Variants in CPQ observed in about 807,000 individuals in gnomAD.
CPQ encodes the protein carboxypeptidase Q.
CPQ carries 37 observed loss-of-function variants against 45.7 expected under a neutral mutation model. The observed-to-expected ratio is 0.81, with a 90% confidence interval of 0.62 to 1.07. The LOEUF (loss-of-function observed/expected upper bound fraction) is 1.07, where lower values mean the gene tolerates loss of function less well. Ranked by LOEUF, CPQ falls within the 50% of genes least tolerant of loss-of-function variation. The pLI is 0.00. For synonymous variants in CPQ, 186 were observed against 205.8 expected, an observed-to-expected ratio of 0.90 and a Z score of 0.82; for missense variants, 537 against 572.9, an observed-to-expected ratio of 0.94 and a Z score of 0.64.
At chr8:96,719,085 G>A (rs1809726864) in intron 1 of CPQ, among the ~76,000 whole-genome samples, 1 of 152,348 alleles carries the variant, frequency 6.6e-6, no homozygotes, top group East Asian at 1.9e-4. Flanking sequence ...CTGTGCGCTC[G>A]CACTCCTCAG....
intron 3 of CPQ, among the ~76,000 whole-genome samples, chr8:96,840,524 G>A (rs984267357): frequency 6.6e-6 from 1 of 152,144 alleles, no homozygotes; most frequent in Non-Finnish European, 1.5e-5. Flanking sequence ...AAAGCTAAGG[G>A]TGGGGTCCAG....
At chr8:96,721,915 C>T (rs961737267) in intron 1 of CPQ, among the ~76,000 whole-genome samples, 3 of 152,190 alleles carry the variant, frequency 2.0e-5, no homozygotes, top group African/African-American at 7.2e-5. Flanking sequence ...CTCTGTCTCC[C>T]CACTTTACTT....
chr8:96,698,339 A>G (rs1009490877), intron 1 of CPQ, among the ~76,000 whole-genome samples: 6 of 152,192 alleles, frequency 3.9e-5, no homozygotes, highest in African/African-American at 1.4e-4. Context: ...TGATATACAA[A>G]AATCAAATCA....
At position 96,898,133 on chromosome 8, in the gene CPQ, C is replaced by T. The variant is rs568032473; in HGVS notation, c.849+18128C>T. Among the ~76,000 whole-genome samples the T allele has an allele frequency of 2.0e-5, 3 of 152,246 alleles. No homozygotes were observed. In the South Asian group the frequency reaches 6.2e-4, roughly 32 times the overall value. On this transcript the variant is annotated intron_variant, in intron 4 of 7. Coordinates refer to ENST00000220763, the MANE Select transcript of CPQ (RefSeq NM_016134.4). ...GTGCTCCTAGTGGACTGGTAACTTG[C>T]ACTCCTAAGAACTGGAATCTTGAGG...
chr8:96,829,758 C>T (rs1811427652), intron 2 of CPQ, among the ~76,000 whole-genome samples: 1 of 152,016 alleles, frequency 6.6e-6, no homozygotes, highest in Non-Finnish European at 1.5e-5. Flanking sequence ...TGAAATTGTA[C>T]TTTGTACTTT....
chr8:96,969,845 TAAAA>T (rs899037107), intron 5 of CPQ, among the ~76,000 whole-genome samples: 3 of 152,026 alleles, frequency 2.0e-5, no homozygotes, highest in Non-Finnish European at 4.4e-5. Flanking sequence ...AAAAAGAAAT[TAAAA>T]AGAAAAGAAA....
At chr8:96,765,813 CAT>C (rs1174286423) in intron 1 of CPQ, among the ~76,000 whole-genome samples, 2 of 152,200 alleles carry the variant, frequency 1.3e-5, no homozygotes, top group Non-Finnish European at 2.9e-5. Flanking sequence ...ATCAAGCACA[CAT>C]AGGCCAGGCA....
At chr8:97,003,257 A>T (rs1809315861) in intron 5 of CPQ, among the ~76,000 whole-genome samples, 1 of 151,988 alleles carries the variant, frequency 6.6e-6, no homozygotes, top group African/African-American at 2.4e-5. Flanking sequence ...ACCCATTTAC[A>T]TTTAAGGTTA....
intron 1 of CPQ, among the ~76,000 whole-genome samples, chr8:96,764,981 A>G (rs985309146): frequency 1.5e-4 from 23 of 152,262 alleles, no homozygotes; most frequent in Admixed American, 9.8e-4. Flanking sequence ...GAAATTCAGT[A>G]AAACCAGCCT....
chr8:96,834,904 C>T (rs952677090), intron 2 of CPQ, 69 bp from the exon 3 acceptor site: 1 of 1,393,956 alleles, frequency 7.2e-7, no homozygotes, highest in East Asian at 2.3e-5. Context: ...TGTATGTGAC[C>T]TTTCCTGTGC....
chr8:96,899,152 G>A (rs533033364), intron 4 of CPQ, among the ~76,000 whole-genome samples: 5 of 152,268 alleles, frequency 3.3e-5, no homozygotes, highest in African/African-American at 1.2e-4. Context: ...GAAAAAGAAA[G>A]GCTCCTGTTG....
chr8:96,913,730 G>A (rs971623352), intron 4 of CPQ, among the ~76,000 whole-genome samples: 1 of 152,164 alleles, frequency 6.6e-6, no homozygotes, highest in African/African-American at 2.4e-5. Flanking sequence ...TGGTTGTCTA[G>A]CTACTTATGT....
At chr8:96,776,433 G>T (rs1245244473) in intron 1 of CPQ, among the ~76,000 whole-genome samples, 3 of 152,146 alleles carry the variant, frequency 2.0e-5, no homozygotes, top group Non-Finnish European at 4.4e-5. Flanking sequence ...CACAATAAAA[G>T]ATCAATAAAT....
chr8:96,965,372 C>CTTTTTTTTTT (rs5893403), intron 4 of CPQ, among the ~76,000 whole-genome samples: 4 of 80,578 alleles, frequency 5.0e-5, no homozygotes, highest in South Asian at 4.4e-4. Context: ...AATTTCTTTT[C>CTTTTTTTTTT]TTTTTTTTTT....
chr8:96,905,222 G>A (rs574856467), intron 4 of CPQ, among the ~76,000 whole-genome samples: 1 of 152,180 alleles, frequency 6.6e-6, no homozygotes, highest in Admixed American at 6.5e-5. Context: ...GATCTTGTGA[G>A]ACCTCACTCA....
At chr8:97,103,681 T>A (rs977757174) in intron 7 of CPQ, among the ~76,000 whole-genome samples, 5 of 152,140 alleles carry the variant, frequency 3.3e-5, no homozygotes, top group African/African-American at 1.2e-4. Context: ...TGAAAGATGA[T>A]CCCAGGAAAG....
chr8:96,963,337 C>T (rs1461826823), intron 4 of CPQ, among the ~76,000 whole-genome samples: 1 of 152,208 alleles, frequency 6.6e-6, no homozygotes, highest in Non-Finnish European at 1.5e-5. Context: ...TCAGAAGTTC[C>T]TGCTATTGCA....
intron 5 of CPQ, among the ~76,000 whole-genome samples, chr8:97,017,225 T>G (rs1260588577): frequency 2.6e-5 from 4 of 151,988 alleles, no homozygotes; most frequent in Non-Finnish European, 5.9e-5. Flanking sequence ...GAGCAAAATA[T>G]GGGGTTAGAG....
chr8:96,858,653 A>G (rs1013475690), intron 3 of CPQ, among the ~76,000 whole-genome samples: 1 of 152,158 alleles, frequency 6.6e-6, no homozygotes, highest in African/African-American at 2.4e-5. Flanking sequence ...CACATATTGC[A>G]ATCTTTTCCT....
Sources: gnomAD v4.1 joint callset for allele counts (sites outside exome capture counted in the v4.1 genomes callset) on GRCh38, gnomAD v4.1.1 for gene constraint, MANE v1.5 for transcripts, NCBI Gene and HGNC (gene_info 2026-07-23, HGNC 2026-07-21) for gene names.